DNAH10: variants seen among roughly 807,000 people sequenced by gnomAD.
The protein encoded by DNAH10 is axonemal beta dynein heavy chain 10.
A neutral mutation model predicts 506.6 loss-of-function variants in DNAH10; 348 were observed. The observed-to-expected ratio is 0.69, with a 90% CI of 0.63 to 0.75. The LOEUF is 0.75. Ranked by LOEUF, DNAH10 falls within the 30% of genes least tolerant of loss-of-function variation. The probability of loss-of-function intolerance (pLI) is 0.00; values close to 1 mark genes in which losing one functional copy is unlikely to be tolerated. For missense variants in DNAH10, 5,179 were observed against 5,787.1 expected (o/e 0.89, Z 3.41); for synonymous variants, 2,059 against 2,198.6 (o/e 0.94, Z 1.78).
At chr12:123,894,016 C>G (rs750282585) in intron 53 of DNAH10, among the ~76,000 whole-genome samples, 5 of 151,508 alleles carry the variant, frequency 3.3e-5, no homozygotes, top group Non-Finnish European at 7.4e-5. Flanking sequence ...GCTCATTCAC[C>G]AACTTGTTGG....
At chr12:123,822,194 G>A (rs1192160207) in intron 24 of DNAH10, among the ~76,000 whole-genome samples, 1 of 152,166 alleles carries the variant, frequency 6.6e-6, no homozygotes, top group Non-Finnish European at 1.5e-5. Flanking sequence ...GTGACAGAGT[G>A]AGACTCTGTC....
At chr12:123,852,887 A>G (rs1431134053) in intron 35 of DNAH10, among the ~76,000 whole-genome samples, 1 of 152,172 alleles carries the variant, frequency 6.6e-6, no homozygotes, top group East Asian at 1.9e-4. Flanking sequence ...TTACAGCCTT[A>G]ATAATAGGTT....
intron 36 of DNAH10, among the ~76,000 whole-genome samples, chr12:123,855,497 G>C (rs529396282): frequency 6.6e-5 from 10 of 151,884 alleles, no homozygotes; most frequent in African/African-American, 2.4e-4. Flanking sequence ...AGCTGGCTGT[G>C]GTGGCACACT....
Position 123,853,466 on chromosome 12 carries a change from G to T in DNAH10, c.6438+114G>T. 2.2e-6 allele frequency: 3 copies of T among 1,343,014 alleles called. No homozygotes were observed. Among genetic ancestry groups the T allele is most frequent in the South Asian group, 3.6e-5 (2 of 54,882 alleles). 83.2% of individuals were successfully genotyped at this position (1,343,014 alleles called of 1,614,324 possible). A position where few individuals can be genotyped will look rare whatever the true frequency, so the allele number is the denominator to read the frequency against. On this transcript the variant is annotated intron_variant, in intron 36 of 78. Transcript: ENST00000673944. This position sits in a 1 kb window ranked among gnomAD's most constrained non-coding sequence, Gnocchi z 4.7. The stretch of plus-strand genomic sequence containing the variant: ...TATCACCTGAAAGGTTTAAGTCTTA[G>T]CTGCCTCTTCACCCCGCGGTCTGGC...
intron 24 of DNAH10, among the ~76,000 whole-genome samples, chr12:123,825,018 T>C (rs890863333): frequency 1.3e-5 from 2 of 151,918 alleles, no homozygotes; most frequent in Non-Finnish European, 1.5e-5. Context: ...TTAAATGCCA[T>C]GAGAATACGT....
chr12:123,833,279 G>A lies in DNAH10; in HGVS notation c.4711G>A (p.Val1571Met). 6.2e-6 allele frequency: 10 copies of A among 1,613,862 alleles called. No individual in the cohort carries two copies. Among genetic ancestry groups the A allele is most frequent in the Non-Finnish European group, 7.6e-6 (9 of 1,179,854 alleles). The change falls in exon 27 of 79, where the codon GTG (valine) becomes ATG (methionine). Residue 1571 changes from valine to methionine, a missense_variant. Val to Met is a conservative substitution (Grantham distance 21). Around this residue, in one of 3 missense-constraint regions of DNAH10, gnomAD observed 4,844 missense variants for 5,430.5 expected, o/e 0.89. Transcript: ENST00000673944. ...NLQSISGSRF[V>M]GPFLQTVHKW... The stretch of plus-strand genomic sequence containing the variant: ...GCAGAGCATCTCAGGAAGCAGATTT[G>A]TGGGGCCTTTTCTGCAAACTGTTCA...
chr12:123,771,163 T>C (rs1360139774), intron 2 of DNAH10, among the ~76,000 whole-genome samples: 1 of 152,020 alleles, frequency 6.6e-6, no homozygotes, highest in East Asian at 1.9e-4. Flanking sequence ...AGAGACAGGG[T>C]GTTGCCATGC....
chr12:123,861,075 C>A lies in DNAH10; in HGVS notation c.6813C>A (p.Tyr2271Ter), dbSNP rs753490414. 7 of 1,613,930 alleles carry A rather than the reference C, an allele frequency of 4.3e-6. No individual in the cohort carries two copies. Among genetic ancestry groups the A allele is most frequent in the African/African-American group, 1.3e-5 (1 of 75,012 alleles). ...AAGCCGTGAGTGTCATAGAACTCTA[C>A]GGCATCCTGGACCCAACCACCCGAG... ...NPKAVSVIEL[Y>*]GILDPTTRDW... is the part of the protein sequence containing the mutation. The change falls in exon 39 of 79, where the codon TAC (tyrosine) becomes TAA (stop). Residue 2271 changes from tyrosine to a stop codon, truncating the protein, a stop_gained. Transcript: ENST00000673944. LOFTEE classifies it high-confidence loss of function.
rs1449375031 is a variant in DNAH10, at chr12:123,909,429, G to GA, written c.9989dup (p.Asn3330LysfsTer10). On this transcript the variant is annotated frameshift_variant, in exon 58 of 79. Coordinates refer to ENST00000673944, the MANE Select transcript of DNAH10 (RefSeq NM_001372106.1). LOFTEE classifies it high-confidence loss of function. This position sits in a 1 kb window ranked among gnomAD's most constrained non-coding sequence, Gnocchi z 5.4. ...TTGATTCGATTACCCAGAGCCAAGT[G>GA]AAAAACATCAAAGGTGAGTGTAGCC... The GA allele has an allele frequency of 6.3e-7, 1 of 1,595,694 alleles. No individual in the cohort carries two copies. Among genetic ancestry groups the GA allele is most frequent in the Non-Finnish European group, 8.5e-7 (1 of 1,170,268 alleles).
intron 32 of DNAH10, among the ~76,000 whole-genome samples, chr12:123,847,155 C>T (rs1594180625): frequency 7.3e-6 from 1 of 136,200 alleles, no homozygotes; most frequent in African/African-American, 3.4e-5. Context: ...TCCATCCATC[C>T]ATCCATCCAT....
In DNAH10 at chr12:123,824,718, C is replaced by T. The variant is rs527745503; in HGVS notation, c.4180-1969C>T. Among the ~76,000 whole-genome samples, 22 of 152,238 alleles carry T rather than the reference C, an allele frequency of 1.4e-4. No individual in the cohort carries two copies. The East Asian group carries it at 3.3e-3, about 23-fold the overall frequency. On this transcript the variant is annotated intron_variant, in intron 24 of 78. Transcript: ENST00000673944. The stretch of plus-strand genomic sequence containing the variant: ...ACTGTCCCTGGCGTTCCGTGGCTTG[C>T]GGCTGTGTTGCTCCTGTCTCTGCCT...
At chr12:123,845,496 T>C in intron 30 of DNAH10, 104 bp from the exon 31 acceptor site, 1 of 1,454,678 alleles carries the variant, frequency 6.9e-7, no homozygotes, top group Non-Finnish European at 9.1e-7. Context: ...ACCTTTACTT[T>C]GCCCTCCCTA....
chr12:123,843,681 G>T (rs1028217541), intron 30 of DNAH10, among the ~76,000 whole-genome samples: 2 of 152,120 alleles, frequency 1.3e-5, no homozygotes, highest in South Asian at 4.1e-4. Context: ...AGGTTCAAGC[G>T]ATTCTCCTGC....
At chr12:123,773,653 G>A (rs912739863) in intron 4 of DNAH10, among the ~76,000 whole-genome samples, 1 of 152,192 alleles carries the variant, frequency 6.6e-6, no homozygotes, top group Non-Finnish European at 1.5e-5. Flanking sequence ...ATGGTGGAGA[G>A]CAGAGAGAGA....
At chr12:123,883,996 A>G (rs1952621291) in intron 51 of DNAH10, among the ~76,000 whole-genome samples, 2 of 152,192 alleles carry the variant, frequency 1.3e-5, no homozygotes, top group South Asian at 4.2e-4. Flanking sequence ...CAGAAGGGTC[A>G]TTTTCATGAC....
intron 11 of DNAH10, among the ~76,000 whole-genome samples, chr12:123,790,797 T>C (rs1568030): frequency 0.73 from 111,465 of 152,012 alleles, 41,472 homozygotes; most frequent in East Asian, 1. Flanking sequence ...GGCAAGAGGG[T>C]GCCATTGAAG....
chr12:123,932,381 G>A (rs773112186), intron 76 of DNAH10, among the ~76,000 whole-genome samples: 4 of 151,536 alleles, frequency 2.6e-5, no homozygotes, highest in Non-Finnish European at 4.4e-5. Context: ...CAGCTAGCTC[G>A]TTCTTTTTTA....
rs1957838506 is a variant in DNAH10 at position 123,786,030 on chromosome 12, T to C, written c.1421+94T>C. On this transcript the variant is annotated intron_variant, in intron 9 of 78. Transcript: ENST00000673944. Reference sequence around the variant, plus strand: ...GCTCTATTGAGCTATAATTCACATATAATTCTCTTACTTAAAATGTACAAT... The same window carrying C: ...GCTCTATTGAGCTATAATTCACATACAATTCTCTTACTTAAAATGTACAAT... 10 of 1,302,484 alleles carry C rather than the reference T, an allele frequency of 7.7e-6. 1 individual carries two copies. The South Asian group carries it at 1.3e-4, about 17-fold the overall frequency. 80.7% of individuals were successfully genotyped at this position (1,302,484 alleles called of 1,614,324 possible). A position where few individuals can be genotyped will look rare whatever the true frequency, so the allele number is the denominator to read the frequency against.
At chr12:123,871,742 C>A in intron 45 of DNAH10, 140 bp downstream of exon 45, 1 of 1,032,172 alleles carries the variant, frequency 9.7e-7, no homozygotes, top group Non-Finnish European at 1.4e-6. Context: ...GAGCTTCTAG[C>A]TCAGGCTCTC....
Sources: allele counts gnomAD v4.1 joint callset (sites outside exome capture counted in the v4.1 genomes callset), GRCh38; gene constraint gnomAD v4.1.1; regional missense constraint gnomAD v4.1.1; non-coding constraint Gnocchi (gnomAD v3.1); transcripts MANE v1.5; gene names NCBI Gene and HGNC (gene_info 2026-07-23, HGNC 2026-07-21).